PPP6R2: variants seen among roughly 807,000 people sequenced by gnomAD.
The protein encoded by PPP6R2 is serine/threonine-protein phosphatase 6 regulatory subunit 2.
PPP6R2 carries 62 observed loss-of-function variants against 100.2 expected under a neutral mutation model. That is an observed-to-expected ratio of 0.62 (90% confidence interval 0.50 to 0.76). The LOEUF is 0.76. Ranked by LOEUF, PPP6R2 falls within the 30% of genes least tolerant of loss-of-function variation. PPP6R2 has a pLI of 0.00. For missense variants in PPP6R2, 1,142 were observed against 1,276.3 expected (o/e 0.89, Z 1.60); for synonymous variants, 525 against 514.7 (o/e 1.02, Z -0.27).
At chr22:50,362,499 C>T (rs559755346) in intron 1 of PPP6R2, among the ~76,000 whole-genome samples, 6 of 152,244 alleles carry the variant, frequency 3.9e-5, no homozygotes, top group South Asian at 2.1e-4. Context: ...ACTGTGTTCC[C>T]GTTGCAGAGC....
chr22:50,346,766 C>G (rs924461190), intron 1 of PPP6R2, among the ~76,000 whole-genome samples: 1 of 147,626 alleles, frequency 6.8e-6, no homozygotes, highest in East Asian at 2.0e-4. Context: ...TCAGTCCACT[C>G]TGCTCCCCAT....
rs975898956 is a variant in PPP6R2 at position 50,393,585 on chromosome 22, C to T, written c.-16-308C>T. The T allele has an allele frequency of 5.1e-6, 5 of 975,150 alleles. No homozygotes were observed. The African/African-American group carries it at 8.8e-5, about 17-fold the overall frequency. The allele number at this position is 975,150 out of a possible 1,614,324, so 60.4% of individuals were successfully genotyped here. A position where few individuals can be genotyped will look rare whatever the true frequency, so the allele number is the denominator to read the frequency against. On this transcript the variant is annotated intron_variant, in intron 2 of 23. Coordinates refer to ENST00000612753, the MANE Select transcript of PPP6R2 (RefSeq NM_001242898.2). ...GGAGGGGGTTAGCCCAGAGGAGAAC[C>T]TGGGGAGGCAGGTCCTGGAGCTGGG...
rs959238994 is a variant in PPP6R2 at position 50,437,862 on chromosome 22, G to A, written c.1801G>A (p.Ala601Thr). 33 of 1,553,546 alleles carry A rather than the reference G, an allele frequency of 2.1e-5. No individual in the cohort carries two copies. The highest frequency in any genetic ancestry group is 1.7e-4 in the Middle Eastern group (1 of 6,020). Residue 601 changes from alanine to threonine, a missense_variant, in exon 17 of 24, where the codon GCA becomes ACA. Transcript: ENST00000612753. ...TTGCAGTGCCCCGTTTGACAGGATC[G>A]CAGAGATCAACTTCAACATCGACGC... Reference protein sequence around the residue: ...DNINAPFDRIAEINFNIDADE... With the variant: ...DNINAPFDRITEINFNIDADE...
chr22:50,356,798 G>A (rs1210244350), intron 1 of PPP6R2, among the ~76,000 whole-genome samples: 4 of 151,954 alleles, frequency 2.6e-5, no homozygotes, highest in Non-Finnish European at 5.9e-5. Flanking sequence ...AGCCGGCCAT[G>A]GTGGCCGGCG....
chr22:50,378,883 TAA>T lies in PPP6R2; in HGVS notation c.-17+6749_-17+6750del, dbSNP rs112688457. Among the ~76,000 whole-genome samples, 77 of 128,358 alleles carry T rather than the reference TAA, an allele frequency of 6.0e-4. 1 individual carries two copies. Among genetic ancestry groups the T allele is most frequent in the African/African-American group, 1.1e-3 (39 of 35,738 alleles). The allele number at this position is 128,358 out of a possible 152,430, so 84.2% of individuals were successfully genotyped here. ...CAACAGAATTAAACCCTGTCCCAAT[TAA>T]AAAAAAAAAAAAAAAGGTGAGGCCT... On this transcript the variant is annotated intron_variant, in intron 2 of 23. Coordinates refer to ENST00000612753, the MANE Select transcript of PPP6R2 (RefSeq NM_001242898.2).
Position 50,438,204 on chromosome 22 carries a change from A to C in PPP6R2, c.1870A>C (p.Ser624Arg). 3 of 1,613,864 alleles carry C rather than the reference A, an allele frequency of 1.9e-6. No individual in the cohort carries two copies. Among genetic ancestry groups the C allele is most frequent in the Non-Finnish European group, 1.7e-6 (2 of 1,179,940 alleles). ...PSAALFEACC[S>R]DRIQPFDDDE... ...CGCAGCTCTGTTTGAGGCCTGCTGC[A>C]GTGACCGCATCCAGCCCTTTGATGA... is the stretch of plus-strand genomic sequence containing the variant. Residue 624 changes from serine (S) to arginine (R), a missense_variant, in exon 18 of 24, where the codon AGT becomes CGT. Coordinates refer to ENST00000612753, the MANE Select transcript of PPP6R2 (RefSeq NM_001242898.2).
chr22:50,438,033 C>T lies in PPP6R2; in HGVS notation c.1839+133C>T, dbSNP rs2064770055. 1.3e-5 allele frequency: 19 copies of T among 1,491,386 alleles called. No homozygotes were observed. The South Asian group carries it at 2.0e-4, about 16-fold the overall frequency. 92.4% of individuals were successfully genotyped at this position (1,491,386 alleles called of 1,614,324 possible). A position where few individuals can be genotyped will look rare whatever the true frequency, so the allele number is the denominator to read the frequency against. On this transcript the variant is annotated intron_variant, in intron 17 of 23. Transcript: ENST00000612753. ...CCCTCTGTGGAGCTCGGAACAGTCGCTTTCCTTGCCCCTCCCCGTCCTCCC... is the reference window on the plus strand; with the variant it reads ...CCCTCTGTGGAGCTCGGAACAGTCGTTTTCCTTGCCCCTCCCCGTCCTCCC...
Position 50,437,824 on chromosome 22 carries a change from A to G in PPP6R2, c.1782-19A>G. On this transcript the variant is annotated intron_variant, in intron 16 of 23. Coordinates refer to ENST00000612753, the MANE Select transcript of PPP6R2 (RefSeq NM_001242898.2). ...GTGGGCCTGGAGGAACGCTGAAGCC[A>G]TCCCCCTTGCTCTTGCAGTGCCCCG... 6.4e-7 allele frequency: 1 copy of G among 1,551,982 alleles called. No homozygotes were observed. Among genetic ancestry groups the G allele is most frequent in the Non-Finnish European group, 8.7e-7 (1 of 1,147,248 alleles).
the PPP6R2 span, among the ~76,000 whole-genome samples, chr22:50,331,718 G>A: frequency 6.6e-6 from 1 of 152,150 alleles, no homozygotes; most frequent in Non-Finnish European, 1.5e-5. Flanking sequence ...TGCCTCCCGA[G>A]TTCAAGCAAT....
intron 15 of PPP6R2, 93 bp from the exon 16 acceptor site, chr22:50,437,413 G>A: frequency 1.2e-6 from 1 of 858,572 alleles, no homozygotes; most frequent in South Asian, 1.5e-5. Flanking sequence ...CGAACAACTA[G>A]AGAGATTGTG....
At chr22:50,338,610 ATGTAGTATG>A (rs2042330589), upstream of PPP6R2, among the ~76,000 whole-genome samples, 1 of 89,370 alleles carries the variant, frequency 1.1e-5, no homozygotes, top group South Asian at 4.2e-4. Flanking sequence ...TGTGTGTGGT[ATGTAGTATG>A]TGTGGTATAT....
chr22:50,415,143 T>G (rs1261839421), intron 5 of PPP6R2, among the ~76,000 whole-genome samples: 2 of 152,232 alleles, frequency 1.3e-5, no homozygotes, highest in African/African-American at 4.8e-5. Flanking sequence ...TGATGGTGTT[T>G]AGTCAGTGAG....
intron 1 of PPP6R2, among the ~76,000 whole-genome samples, chr22:50,355,229 CTT>C (rs1221685126): frequency 3.1e-5 from 4 of 131,144 alleles, no homozygotes; most frequent in Non-Finnish European, 3.3e-5. Flanking sequence ...AAGCAGCCTT[CTT>C]TTTTTTTTTT....
chr22:50,360,965 T>C (rs1233715820), intron 1 of PPP6R2, among the ~76,000 whole-genome samples: 4 of 152,240 alleles, frequency 2.6e-5, no homozygotes, highest in Non-Finnish European at 1.5e-5. Flanking sequence ...CTCTCTGGGC[T>C]ACTGTGGACA....
intron 14 of PPP6R2, 73 bp from the exon 15 acceptor site, chr22:50,436,915 T>C: frequency 7.9e-7 from 1 of 1,267,352 alleles, no homozygotes; most frequent in Non-Finnish European, 1.1e-6. Flanking sequence ...GGCATGGTCC[T>C]GGGCGCTGGG....
chr22:50,424,628 T>C (rs934422530), intron 10 of PPP6R2, among the ~76,000 whole-genome samples: 1 of 121,768 alleles, frequency 8.2e-6, no homozygotes, highest in East Asian at 2.5e-4. Flanking sequence ...CTTTTCCCTC[T>C]TCTTCTTTTT....
intron 1 of PPP6R2, among the ~76,000 whole-genome samples, chr22:50,370,702 C>T (rs1341718700): frequency 6.6e-6 from 1 of 151,814 alleles, no homozygotes; most frequent in African/African-American, 2.4e-5. Flanking sequence ...GGCGTGATCT[C>T]GGCTCACTGC....
In PPP6R2 at chr22:50,394,114, T is replaced by C. The variant is rs758394176; in HGVS notation, c.206T>C (p.Met69Thr). Residue 69 changes from methionine (M) to threonine (T), a missense_variant, in exon 3 of 24, where the codon ATG becomes ACG. By Grantham distance (81) the Met-to-Thr change is moderately conservative. Coordinates refer to ENST00000612753, the MANE Select transcript of PPP6R2 (RefSeq NM_001242898.2). ...SLITQDPPLD[M>T]EEKVRFKYPN... ...ATCACACAGGATCCGCCCCTGGACA[T>C]GGAGGAGAAGGTCCGCTTCAAGTAT... The C allele has an allele frequency of 4.3e-6, 7 of 1,613,820 alleles. No homozygotes were observed. The highest frequency in any genetic ancestry group is 1.3e-5 in the African/African-American group (1 of 74,876).
Position 50,437,518 on chromosome 22 carries a change from T to C in PPP6R2, c.1696T>C (p.Tyr566His). 1.0e-6 allele frequency: 1 copy of C among 998,124 alleles called. No individual in the cohort carries two copies. The highest frequency in any genetic ancestry group is 1.4e-6 in the Non-Finnish European group (1 of 700,148). The allele number at this position is 998,124 out of a possible 1,614,324, so 61.8% of individuals were successfully genotyped here. A position where few individuals can be genotyped will look rare whatever the true frequency, so the allele number is the denominator to read the frequency against. The change falls in exon 16 of 24, where the codon TAC (tyrosine) becomes CAC (histidine). Residue 566 changes from tyrosine to histidine, a missense_variant. Coordinates refer to ENST00000612753, the MANE Select transcript of PPP6R2 (RefSeq NM_001242898.2). ...CCCTCCCTCCCAGGCCTTCTCTGACTACCAGATCCAGCAGATGACAGCCAA... is the reference window on the plus strand; with the variant it reads ...CCCTCCCTCCCAGGCCTTCTCTGACCACCAGATCCAGCAGATGACAGCCAA... ...ELSLQQAFSD[Y>H]QIQQMTANFV...
Sources: allele counts gnomAD v4.1 joint callset (sites outside exome capture counted in the v4.1 genomes callset), GRCh38; gene constraint gnomAD v4.1.1; transcripts MANE v1.5; gene names NCBI Gene and HGNC (gene_info 2026-07-23, HGNC 2026-07-21).